Variants in YJU2 observed in about 807,000 individuals in gnomAD.
YJU2 encodes YJU2 splicing factor homolog.
A neutral mutation model predicts 39.6 loss-of-function variants in YJU2; 28 were observed. The observed-to-expected ratio is 0.71, with a 90% CI of 0.52 to 0.97. YJU2 has a LOEUF of 0.97. YJU2 is among the 50% of genes least tolerant of loss of function. YJU2 has a pLI of 0.00. For synonymous variants in YJU2, 184 were observed against 182.4 expected, an observed-to-expected ratio of 1.01 and a Z score of -0.07; for missense variants, 328 against 430.4, an observed-to-expected ratio of 0.76 and a Z score of 2.11.
At position 4,258,398 on chromosome 19, in the gene YJU2, CAGG is replaced by C. The variant is rs747214098; in HGVS notation, c.570_572del (p.Glu190del). 3.1e-6 allele frequency: 5 copies of C among 1,595,094 alleles called. No homozygotes were observed. The highest frequency in any genetic ancestry group is 2.6e-6 in the Non-Finnish European group (3 of 1,172,934). On this transcript the variant is annotated inframe_deletion, in exon 5 of 8. Coordinates refer to ENST00000262962, the MANE Select transcript of YJU2 (RefSeq NM_018074.6). ...GGAGGAGGAGCGGCGGAGGCAGCAG[CAGG>C]AGGAGGACGAGCAGGAGACCGCGTG...
At chr19:4,253,975 AT>A (rs1365512903) in intron 3 of YJU2, among the ~76,000 whole-genome samples, 1 of 152,012 alleles carries the variant, frequency 6.6e-6, no homozygotes, top group East Asian at 1.9e-4. Flanking sequence ...GCCCTGCCTA[AT>A]TTTTTGTATT....
At chr19:4,255,722 T>G (rs553129967) in intron 4 of YJU2, among the ~76,000 whole-genome samples, 1 of 106,368 alleles carries the variant, frequency 9.4e-6, no homozygotes, top group South Asian at 3.1e-4. Context: ...AGCAAGATTC[T>G]GTGTCAAAAA....
chr19:4,262,151 G>A, intron 6 of YJU2, 37 bp downstream of exon 6: 2 of 1,564,794 alleles, frequency 1.3e-6, no homozygotes, highest in Non-Finnish European at 1.7e-6. Context: ...GCTCCCAGGT[G>A]AACTAGGGAC....
At chr19:4,250,365 C>T (rs1272451530) in intron 2 of YJU2, among the ~76,000 whole-genome samples, 1 of 152,112 alleles carries the variant, frequency 6.6e-6, no homozygotes. Flanking sequence ...AACAAAGTCC[C>T]TGGCCTCATG....
chr19:4,258,988 A>C (rs1971047629), intron 5 of YJU2, among the ~76,000 whole-genome samples: 1 of 150,628 alleles, frequency 6.6e-6, no homozygotes, highest in Non-Finnish European at 1.5e-5. Flanking sequence ...CCCCCAGCAC[A>C]GGCTCCCGGA....
In YJU2 at chr19:4,247,447, T is replaced by TC. The variant is rs397811705; in HGVS notation, c.24+278dup. The TC allele has an allele frequency of 6.9e-4, 245 of 353,794 alleles. 2 individuals carry two copies. Among genetic ancestry groups the TC allele is most frequent in the African/African-American group, 4.0e-3 (186 of 46,136 alleles). 21.9% of individuals were successfully genotyped at this position (353,794 alleles called of 1,614,324 possible). A position where few individuals can be genotyped will look rare whatever the true frequency, so the allele number is the denominator to read the frequency against. On this transcript the variant is annotated intron_variant, in intron 1 of 7. Transcript: ENST00000262962. ...AATCACCACCAGATAGGGTTTTTTT[T>TC]CTGGGGGCGGGGCTTCCTTAAATGC...
At chr19:4,267,834 C>A in intron 7 of YJU2, 60 bp downstream of exon 7, 1 of 1,495,344 alleles carries the variant, frequency 6.7e-7, no homozygotes, top group Non-Finnish European at 9.0e-7. Context: ...TAGGTGGCAG[C>A]AGCTCCCTTT....
chr19:4,256,706 T>C (rs1307672011), intron 4 of YJU2, among the ~76,000 whole-genome samples: 1 of 152,188 alleles, frequency 6.6e-6, no homozygotes, highest in Admixed American at 6.6e-5. Context: ...CAGTATCATC[T>C]GAAGGCTGGA....
intron 4 of YJU2, among the ~76,000 whole-genome samples, chr19:4,255,095 A>G (rs1418752854): frequency 1.3e-5 from 2 of 148,236 alleles, no homozygotes; most frequent in South Asian, 2.1e-4. Context: ...ATGGTGGCGC[A>G]TGCCTGTAAT....
At chr19:4,262,160 A>G (rs992883998) in intron 6 of YJU2, 46 bp downstream of exon 6, 6 of 1,549,912 alleles carry the variant, frequency 3.9e-6, no homozygotes, top group Non-Finnish European at 4.3e-6. Context: ...TGAACTAGGG[A>G]CAACTGAAGC....
At position 4,267,704 on chromosome 19, in the gene YJU2, G is replaced by A; in HGVS notation, c.789G>A (p.Leu263=). The A allele has an allele frequency of 6.2e-7, 1 of 1,613,436 alleles. No individual in the cohort carries two copies. Among genetic ancestry groups the A allele is most frequent in the Non-Finnish European group, 8.5e-7 (1 of 1,179,926 alleles). Residue 263 remains leucine, a synonymous_variant, in exon 7 of 8, where the codon CTG becomes CTA. Transcript: ENST00000262962. ...GCAGCCGGCCCCCGCTGTCGAGGCT[G>A]GTCGTGGTGAAGAAGGCAAAGGCCG... The part of the protein sequence containing the change: ...SLGSRPPLSR[L]VVVKKAKADP...
At chr19:4,248,486 A>T (rs1260187209) in intron 1 of YJU2, among the ~76,000 whole-genome samples, 1 of 152,200 alleles carries the variant, frequency 6.6e-6, no homozygotes, top group Admixed American at 6.5e-5. Context: ...ATGACTCTGT[A>T]GGAAACGGAT....
chr19:4,251,086 C>T lies in YJU2; in HGVS notation c.185C>T (p.Thr62Met). ...KGKKFNARKE[T>M]VQNEVYLGLP... ...AAGAAATTCAATGCTCGGAAGGAGA[C>T]GGTGCAGAACGAGGTCTACCTGGGC... Residue 62 changes from threonine to methionine, a missense_variant, in exon 3 of 8, where the codon ACG (threonine) becomes ATG (methionine). Physicochemically the swap from Thr to Met is moderately conservative, Grantham distance 81. Coordinates refer to ENST00000262962, the MANE Select transcript of YJU2 (RefSeq NM_018074.6). 1.9e-6 allele frequency: 3 copies of T among 1,614,128 alleles called. No individual in the cohort carries two copies. Among genetic ancestry groups the T allele is most frequent in the Non-Finnish European group, 2.5e-6 (3 of 1,179,992 alleles).
intron 2 of YJU2, among the ~76,000 whole-genome samples, chr19:4,249,851 C>T (rs543558989): frequency 3.9e-5 from 6 of 152,196 alleles, no homozygotes; most frequent in South Asian, 4.1e-4. Context: ...GGATTACAGG[C>T]GTGCACCACC....
chr19:4,267,875 G>A (rs1971129647), intron 7 of YJU2, 101 bp downstream of exon 7: 2 of 1,163,226 alleles, frequency 1.7e-6, no homozygotes, highest in Non-Finnish European at 2.4e-6. Context: ...GGGTGGGTGG[G>A]GGCGGCCTGC....
Position 4,249,291 on chromosome 19 carries a change from C to T in YJU2, c.88C>T (p.Gln30Ter), listed in dbSNP as rs201230520. 1 of 1,613,924 alleles carries T rather than the reference C, an allele frequency of 6.2e-7. No homozygotes were observed. Among genetic ancestry groups the T allele is most frequent in the Non-Finnish European group, 8.5e-7 (1 of 1,179,878 alleles). The change falls in exon 2 of 8, where the codon CAG becomes TAG. Residue 30 changes from glutamine to a stop codon, truncating the protein, a stop_gained. Coordinates refer to ENST00000262962, the MANE Select transcript of YJU2 (RefSeq NM_018074.6). LOFTEE classifies it high-confidence loss of function. ...CAAACTCAAGCTCCCCAAAGACCGG[C>T]AGTACGTGGTGCGGCTGATGGCCCC... ...IPKLKLPKDR[Q>*]YVVRLMAPFN... is the part of the protein sequence containing the mutation.
At chr19:4,263,181 G>A (rs1391261519) in intron 6 of YJU2, among the ~76,000 whole-genome samples, 1 of 151,904 alleles carries the variant, frequency 6.6e-6, no homozygotes, top group African/African-American at 2.4e-5. Flanking sequence ...TGTAAAGAAA[G>A]AACATAGAAA....
At chr19:4,264,059 G>A (rs1056346584) in intron 6 of YJU2, among the ~76,000 whole-genome samples, 14 of 151,616 alleles carry the variant, frequency 9.2e-5, no homozygotes, top group Admixed American at 2.6e-4. Context: ...TCAGGAGATC[G>A]AGATCATCCT....
chr19:4,264,827 T>C (rs1384644625), intron 6 of YJU2, among the ~76,000 whole-genome samples: 1 of 151,724 alleles, frequency 6.6e-6, no homozygotes, highest in Non-Finnish European at 1.5e-5. Flanking sequence ...GCGGTCTTGC[T>C]GTGTTGCCCA....
Sources: gnomAD v4.1 joint callset for allele counts (sites outside exome capture counted in the v4.1 genomes callset) on GRCh38, gnomAD v4.1.1 for gene constraint, MANE v1.5 for transcripts, NCBI Gene and HGNC (gene_info 2026-07-23, HGNC 2026-07-21) for gene names.